FRAS1: variants seen among roughly 807,000 people sequenced by gnomAD.
The protein encoded by FRAS1 is extracellular matrix organizing protein FRAS1.
Under a neutral mutation model 435.2 loss-of-function variants are expected in FRAS1, and 290 were observed. The ratio of observed to expected loss-of-function variants is 0.67; its 90% confidence interval spans 0.61 to 0.73. The LOEUF is 0.73. FRAS1 is among the 30% of genes least tolerant of loss of function. The probability of loss-of-function intolerance (pLI) is 0.00; values close to 1 mark genes in which losing one functional copy is unlikely to be tolerated. For missense variants in FRAS1, 4,860 were observed against 5,001.5 expected (o/e 0.97, Z 0.85); for synonymous variants, 1,800 against 1,851.0 (o/e 0.97, Z 0.71).
chr4:78,161,687 G>A (rs956001056), intron 2 of FRAS1, among the ~76,000 whole-genome samples: 1 of 125,540 alleles, frequency 8.0e-6, no homozygotes, highest in Non-Finnish European at 1.6e-5. Flanking sequence ...GTGTAATACT[G>A]TGCTTTATTG....
chr4:78,246,266 G>C (rs570219229), intron 4 of FRAS1, among the ~76,000 whole-genome samples: 6 of 152,144 alleles, frequency 3.9e-5, no homozygotes, highest in Non-Finnish European at 8.8e-5. Flanking sequence ...CCCCAAGTTA[G>C]TGTCTCTTTA....
At chr4:78,419,350 G>A (rs941084143) in intron 33 of FRAS1, among the ~76,000 whole-genome samples, 3 of 152,176 alleles carry the variant, frequency 2.0e-5, no homozygotes, top group South Asian at 2.1e-4. Flanking sequence ...CCCCTCCCAT[G>A]TACTGGCAGA....
intron 5 of FRAS1, among the ~76,000 whole-genome samples, chr4:78,253,992 C>T (rs5015631): frequency 6.4e-5 from 5 of 78,052 alleles, no homozygotes; most frequent in East Asian, 3.1e-4. Flanking sequence ...TTTGTCTTTA[C>T]TTATTTGTCT....
chr4:78,363,489 T>C, intron 20 of FRAS1, 24 bp from the exon 21 acceptor site: 1 of 1,593,734 alleles, frequency 6.3e-7, no homozygotes, highest in Non-Finnish European at 8.6e-7. Context: ...CCGTGCCTTC[T>C]CTGTGCTCCC....
intron 54 of FRAS1, among the ~76,000 whole-genome samples, chr4:78,477,490 A>AT (rs1719884864): frequency 6.6e-6 from 1 of 152,218 alleles, no homozygotes; most frequent in African/African-American, 2.4e-5. Context: ...GAGTCATCAA[A>AT]TGATGACTGT....
intron 42 of FRAS1, 123 bp downstream of exon 42, chr4:78,445,835 C>A: frequency 1.4e-6 from 2 of 1,408,034 alleles, no homozygotes; most frequent in South Asian, 4.0e-5. Context: ...AATTGAAGGT[C>A]GTTCTTAAAA....
chr4:78,228,153 T>C (rs1724352739), intron 2 of FRAS1, among the ~76,000 whole-genome samples: 2 of 152,224 alleles, frequency 1.3e-5, no homozygotes. Context: ...TTTAATTTCA[T>C]GTGCAAACAT....
At chr4:78,529,793 G>T (rs1315297640) in intron 70 of FRAS1, among the ~76,000 whole-genome samples, 1 of 152,178 alleles carries the variant, frequency 6.6e-6, no homozygotes, top group Non-Finnish European at 1.5e-5. Flanking sequence ...AGGCAGGATG[G>T]AGCAGAAAGG....
intron 20 of FRAS1, 134 bp from the exon 21 acceptor site, chr4:78,363,379 C>A: frequency 1.2e-6 from 1 of 839,086 alleles, no homozygotes; most frequent in Non-Finnish European, 1.8e-6. Flanking sequence ...TACTGATATA[C>A]ACTGCCTTTG....
At chr4:78,513,074 C>CA (rs1254676895) in intron 64 of FRAS1, among the ~76,000 whole-genome samples, 12 of 152,140 alleles carry the variant, frequency 7.9e-5, no homozygotes, top group Non-Finnish European at 1.6e-4. Context: ...CCTGAAATAA[C>CA]AGAGTTTCCA....
At chr4:78,254,988 C>G (rs757913070) in intron 5 of FRAS1, among the ~76,000 whole-genome samples, 1 of 152,104 alleles carries the variant, frequency 6.6e-6, no homozygotes, top group Non-Finnish European at 1.5e-5. Flanking sequence ...AGTGGAGGAG[C>G]TGGTAGCTGA....
At chr4:78,178,984 T>C (rs1175520251) in intron 2 of FRAS1, among the ~76,000 whole-genome samples, 1 of 152,216 alleles carries the variant, frequency 6.6e-6, no homozygotes, top group Admixed American at 6.5e-5. Flanking sequence ...CAGCCATGAC[T>C]ATACATTCCT....
intron 29 of FRAS1, 139 bp downstream of exon 29, chr4:78,387,840 A>T (rs1732282637): frequency 3.7e-6 from 2 of 547,594 alleles, no homozygotes; most frequent in Non-Finnish European, 6.0e-6. Flanking sequence ...TATAGAGGGC[A>T]CTATATATCT....
chr4:78,523,520 A>G (rs1358008203), intron 69 of FRAS1, among the ~76,000 whole-genome samples: 1 of 152,242 alleles, frequency 6.6e-6, no homozygotes, highest in East Asian at 1.9e-4. Flanking sequence ...TATGAAAAGG[A>G]TAAGTGGGCA....
chr4:78,286,661 T>C, intron 14 of FRAS1, 122 bp downstream of exon 14: 1 of 922,680 alleles, frequency 1.1e-6, no homozygotes, highest in Non-Finnish European at 1.6e-6. Flanking sequence ...GAAGAAACTC[T>C]AAACAAGACT....
intron 69 of FRAS1, among the ~76,000 whole-genome samples, 177 bp downstream of exon 69, chr4:78,522,985 G>A (rs892132538): frequency 6.6e-6 from 1 of 152,120 alleles, no homozygotes; most frequent in African/African-American, 2.4e-5. Context: ...CTACTCAGGA[G>A]GATCACTTGA....
intron 19 of FRAS1, among the ~76,000 whole-genome samples, chr4:78,337,140 G>C (rs395228): frequency 0.032 from 4,912 of 152,272 alleles, 237 homozygotes; most frequent in African/African-American, 0.11. Flanking sequence ...ATTAAGTATT[G>C]CTGATAAAAT....
intron 29 of FRAS1, among the ~76,000 whole-genome samples, chr4:78,388,342 A>C (rs1035804287): frequency 6.6e-6 from 1 of 151,874 alleles, no homozygotes; most frequent in African/African-American, 2.4e-5. Flanking sequence ...AAAAAAAAAA[A>C]AAAACAAAAA....
chr4:78,356,353 C>T (rs893317172), intron 20 of FRAS1, among the ~76,000 whole-genome samples: 1 of 152,140 alleles, frequency 6.6e-6, no homozygotes, highest in African/African-American at 2.4e-5. Flanking sequence ...CCTTTTCCCC[C>T]CTCTAACAAC....
Sources: gnomAD v4.1 joint callset for allele counts (sites outside exome capture counted in the v4.1 genomes callset) on GRCh38, gnomAD v4.1.1 for gene constraint, MANE v1.5 for transcripts, NCBI Gene and HGNC (gene_info 2026-07-23, HGNC 2026-07-21) for gene names.